MACROD2: variants seen among roughly 807,000 people sequenced by gnomAD.
The protein encoded by MACROD2 is mono-ADP ribosylhydrolase 2.
In MACROD2, 36 loss-of-function variants were observed where a neutral mutation model predicts 70.4. That is an observed-to-expected ratio of 0.51 (90% CI 0.39 to 0.68). The LOEUF (loss-of-function observed/expected upper bound fraction) is 0.68, where lower values mean the gene tolerates loss of function less well. Ranked by LOEUF, MACROD2 falls within the 30% of genes least tolerant of loss-of-function variation. The pLI, the probability that MACROD2 is intolerant of heterozygous loss-of-function variation, is 0.00. For missense variants in MACROD2, 496 were observed against 538.4 expected (o/e 0.92, Z 0.78); for synonymous variants, 172 against 178.8 (o/e 0.96, Z 0.30).
chr20:15,685,379 A>G (rs1190789658), intron 8 of MACROD2, among the ~76,000 whole-genome samples: 1 of 152,230 alleles, frequency 6.6e-6, no homozygotes. Flanking sequence ...TCGAAAGAAC[A>G]TAAGATAGCT....
intron 6 of MACROD2, among the ~76,000 whole-genome samples, chr20:15,276,314 G>T (rs975183996): frequency 6.6e-6 from 1 of 151,550 alleles, no homozygotes; most frequent in African/African-American, 2.4e-5. Context: ...GTAGGAGAAG[G>T]GCGTGAACCC....
At chr20:15,369,064 G>C (rs966337975) in intron 6 of MACROD2, among the ~76,000 whole-genome samples, 1 of 152,130 alleles carries the variant, frequency 6.6e-6, no homozygotes, top group African/African-American at 2.4e-5. Flanking sequence ...TGATAGGAGA[G>C]ATTCTATTTT....
At chr20:15,074,538 C>T (rs1242873242) in intron 5 of MACROD2, among the ~76,000 whole-genome samples, 1 of 152,156 alleles carries the variant, frequency 6.6e-6, no homozygotes, top group Non-Finnish European at 1.5e-5. Flanking sequence ...TGGTCAGAAG[C>T]ACAGGTAAAA....
chr20:14,844,209 C>A (rs146270894), intron 5 of MACROD2, among the ~76,000 whole-genome samples: 1 of 151,938 alleles, frequency 6.6e-6, no homozygotes, highest in East Asian at 1.9e-4. Context: ...TTTTTTCCCC[C>A]AAAATCCCAG....
chr20:15,658,921 G>A lies in MACROD2; in HGVS notation c.645+159074G>A, dbSNP rs192836308. ...CTTACTGATTCTTCTAGCCAGAAGA[G>A]ACTAAAACAGGTGATCCAAGACTCA... On this transcript the variant is annotated intron_variant, in intron 8 of 17. Transcript: ENST00000684519. Among the ~76,000 whole-genome samples the A allele has an allele frequency of 3.3e-5, 5 of 152,316 alleles. No homozygotes were observed. In the East Asian group the frequency reaches 9.6e-4, roughly 29 times the overall value.
chr20:15,806,175 G>A lies in MACROD2; in HGVS notation c.646-56570G>A, dbSNP rs1009026581. Among the ~76,000 whole-genome samples, 10 of 152,130 alleles carry A rather than the reference G, an allele frequency of 6.6e-5. 1 individual carries two copies. Among genetic ancestry groups the A allele is most frequent in the Non-Finnish European group, 1.5e-4 (10 of 68,024 alleles). On this transcript the variant is annotated intron_variant, in intron 8 of 17. Transcript: ENST00000684519. ...CCTCCAACATGCCTTTTCCCTGAGT[G>A]AATAAAAAACACGAGCTTTTCTTAA...
chr20:16,006,423 A>C (rs935955775), intron 15 of MACROD2, among the ~76,000 whole-genome samples: 4 of 152,082 alleles, frequency 2.6e-5, no homozygotes, highest in African/African-American at 9.7e-5. Flanking sequence ...AGTTCATATG[A>C]AGTCTAAATT....
In MACROD2 at chr20:14,337,546, C is replaced by A. The variant is rs577898119; in HGVS notation, c.272-155933C>A. Reference sequence around the variant, plus strand: ...AAGCCCACGGCAGCTGCAGGCTGAGCTTGTCCTGCTTCAGATCACTCCTAC... The same window carrying A: ...AAGCCCACGGCAGCTGCAGGCTGAGATTGTCCTGCTTCAGATCACTCCTAC... On this transcript the variant is annotated intron_variant, in intron 3 of 17. Coordinates refer to ENST00000684519, the MANE Select transcript of MACROD2 (RefSeq NM_001351661.2). 3.5e-5 allele frequency: 14 copies of A among 398,630 alleles called. No individual in the cohort carries two copies. The East Asian group carries it at 5.0e-4, about 14-fold the overall frequency. 24.7% of individuals were successfully genotyped at this position (398,630 alleles called of 1,614,324 possible).
At chr20:15,148,106 G>A (rs528598559) in intron 5 of MACROD2, among the ~76,000 whole-genome samples, 1 of 151,844 alleles carries the variant, frequency 6.6e-6, no homozygotes, top group African/African-American at 2.4e-5. Flanking sequence ...TGTTGGGATG[G>A]TGAAAATTTT....
At chr20:14,680,912 A>G (rs1312757943) in intron 4 of MACROD2, among the ~76,000 whole-genome samples, 2 of 152,194 alleles carry the variant, frequency 1.3e-5, no homozygotes, top group Non-Finnish European at 2.9e-5. Flanking sequence ...TGAAACTTTA[A>G]AAAGTGAAAT....
At chr20:15,687,102 C>T (rs531932202) in intron 8 of MACROD2, among the ~76,000 whole-genome samples, 1 of 150,938 alleles carries the variant, frequency 6.6e-6, no homozygotes, top group South Asian at 2.1e-4. Flanking sequence ...AATGCAGCCC[C>T]TTCAGAATTG....
At chr20:14,985,473 G>A (rs1199006848) in intron 5 of MACROD2, among the ~76,000 whole-genome samples, 1 of 152,128 alleles carries the variant, frequency 6.6e-6, no homozygotes, top group African/African-American at 2.4e-5. Flanking sequence ...AGTGGGGTGT[G>A]TAGAGGAAGC....
intron 7 of MACROD2, among the ~76,000 whole-genome samples, chr20:15,463,124 C>A (rs751715561): frequency 6.6e-6 from 1 of 152,172 alleles, no homozygotes; most frequent in Non-Finnish European, 1.5e-5. Flanking sequence ...ACCCAGTGTT[C>A]CCCTGGGAGA....
At chr20:14,631,662 C>A (rs371064347) in intron 4 of MACROD2, among the ~76,000 whole-genome samples, 1 of 152,136 alleles carries the variant, frequency 6.6e-6, no homozygotes, top group Non-Finnish European at 1.5e-5. Flanking sequence ...GTAGTCCCAG[C>A]TACTCAGGAG....
At chr20:15,116,292 A>G (rs1462682449) in intron 5 of MACROD2, among the ~76,000 whole-genome samples, 2 of 151,980 alleles carry the variant, frequency 1.3e-5, no homozygotes, top group African/African-American at 2.4e-5. Context: ...TCCTCAGCCT[A>G]CTCAACATGA....
chr20:15,174,960 G>A (rs2076449070), intron 5 of MACROD2, among the ~76,000 whole-genome samples: 1 of 151,978 alleles, frequency 6.6e-6, no homozygotes, highest in African/African-American at 2.4e-5. Context: ...TAGGTTGCCT[G>A]TTTACTCTGA....
intron 5 of MACROD2, among the ~76,000 whole-genome samples, chr20:15,030,326 T>C (rs976344880): frequency 6.6e-6 from 1 of 152,152 alleles, no homozygotes; most frequent in African/African-American, 2.4e-5. Flanking sequence ...TAGCTGGGCA[T>C]AGTGGTGCAT....
intron 8 of MACROD2, among the ~76,000 whole-genome samples, chr20:15,606,819 A>G (rs1401790222): frequency 3.2e-4 from 48 of 152,198 alleles, no homozygotes; most frequent in Non-Finnish European, 5.9e-5. Context: ...CCTGACCAAC[A>G]TGGAGAAACC....
intron 3 of MACROD2, among the ~76,000 whole-genome samples, chr20:14,131,876 A>G (rs13040549): frequency 2.6e-5 from 4 of 152,022 alleles, no homozygotes; most frequent in Admixed American, 6.6e-5. Flanking sequence ...TCACGCTTGT[A>G]ATCCCAGCAC....
Sources: gnomAD v4.1 joint callset for allele counts (sites outside exome capture counted in the v4.1 genomes callset) on GRCh38, gnomAD v4.1.1 for gene constraint, MANE v1.5 for transcripts, NCBI Gene and HGNC (gene_info 2026-07-23, HGNC 2026-07-21) for gene names.